Variants in ADGRL3 observed in about 807,000 individuals in gnomAD.
ADGRL3 encodes adhesion G protein-coupled receptor L3.
In ADGRL3, 62 loss-of-function variants were observed where a neutral mutation model predicts 153.5. The observed-to-expected ratio is 0.40, with a 90% CI of 0.33 to 0.50. The LOEUF (loss-of-function observed/expected upper bound fraction) is 0.50, where lower values mean the gene tolerates loss of function less well. ADGRL3 is among the 20% of genes least tolerant of loss of function. The pLI is 0.47. For missense variants in ADGRL3, 1,641 were observed against 1,859.4 expected (o/e 0.88, Z 2.16); for synonymous variants, 710 against 672.5 (o/e 1.06, Z -0.86).
intron 4 of ADGRL3, among the ~76,000 whole-genome samples, chr4:61,526,878 A>G (rs1470883043): frequency 1.3e-5 from 2 of 152,200 alleles, no homozygotes; most frequent in Non-Finnish European, 2.9e-5. Flanking sequence ...CAGTAAGTAG[A>G]TGAATATAAA....
chr4:61,438,096 A>T (rs965921308), intron 2 of ADGRL3, among the ~76,000 whole-genome samples: 15 of 152,088 alleles, frequency 9.9e-5, no homozygotes, highest in African/African-American at 3.6e-4. Flanking sequence ...TTCTTCTTGG[A>T]ATTTCTGATA....
rs200223365 is a variant in ADGRL3, at chr4:61,607,523, C to A, written c.473+20083C>A. 3.3e-5 allele frequency among the ~76,000 whole-genome samples: 5 copies of A among 152,086 alleles called. No individual in the cohort carries two copies. In the East Asian group the frequency reaches 9.7e-4, roughly 29 times the overall value. ...GCTGAAGCAGAAGAATCACTTGAAC[C>A]CAGGAGGCGGAGGTTGCAGTGAGCC... On this transcript the variant is annotated intron_variant, in intron 5 of 26. Coordinates refer to ENST00000683033, the MANE Select transcript of ADGRL3 (RefSeq NM_001387552.1).
intron 19 of ADGRL3, among the ~76,000 whole-genome samples, chr4:61,986,127 A>T (rs543433843): frequency 6.6e-6 from 1 of 152,106 alleles, no homozygotes; most frequent in South Asian, 2.1e-4. Context: ...GAATATTTTC[A>T]TCGAAACAAA....
At chr4:61,749,901 A>G (rs1024625724) in intron 8 of ADGRL3, among the ~76,000 whole-genome samples, 13 of 152,094 alleles carry the variant, frequency 8.5e-5, no homozygotes, top group African/African-American at 3.1e-4. Context: ...AGAAAAAGAC[A>G]AAAATGAAAA....
At chr4:61,370,907 G>T (rs1439304649) in intron 1 of ADGRL3, among the ~76,000 whole-genome samples, 2 of 150,590 alleles carry the variant, frequency 1.3e-5, no homozygotes, top group Non-Finnish European at 1.5e-5. Context: ...TATGAATCTG[G>T]GTGCTCCTGT....
At chr4:61,421,207 G>T (rs1334776108) in intron 2 of ADGRL3, among the ~76,000 whole-genome samples, 1 of 152,156 alleles carries the variant, frequency 6.6e-6, no homozygotes, top group Non-Finnish European at 1.5e-5. Context: ...GGTGGCGGAC[G>T]CCTGTAGTCC....
chr4:61,202,698 G>A lies in ADGRL3; in HGVS notation c.-240+933G>A, dbSNP rs1306894571. 1.3e-5 allele frequency among the ~76,000 whole-genome samples: 2 copies of A among 152,158 alleles called. No individual in the cohort carries two copies. Among genetic ancestry groups the A allele is most frequent in the African/African-American group, 4.8e-5 (2 of 41,464 alleles). The stretch of plus-strand genomic sequence containing the variant: ...GCCGCGACCCAGCCTCCGGTCCCAC[G>A]TCGGAGCTCAGAAGCTTAGGGTGCC... On this transcript the variant is annotated intron_variant, in intron 1 of 26. Transcript: ENST00000683033. This position sits in a 1 kb window ranked among gnomAD's most constrained non-coding sequence, Gnocchi z 5.0.
At chr4:61,225,573 A>G (rs1354757922) in intron 1 of ADGRL3, among the ~76,000 whole-genome samples, 1 of 152,184 alleles carries the variant, frequency 6.6e-6, no homozygotes, top group African/African-American at 2.4e-5. Flanking sequence ...AATCAGTCCC[A>G]ATACCATAGT....
At chr4:61,297,572 T>G (rs913455708) in intron 1 of ADGRL3, among the ~76,000 whole-genome samples, 1 of 152,112 alleles carries the variant, frequency 6.6e-6, no homozygotes, top group African/African-American at 2.4e-5. Context: ...ACATTTTTTT[T>G]CCTTGTTTTT....
chr4:61,891,071 CTTTAT>C (rs1327418091), intron 9 of ADGRL3, among the ~76,000 whole-genome samples: 3 of 152,024 alleles, frequency 2.0e-5, no homozygotes, highest in African/African-American at 4.8e-5. Flanking sequence ...TCAGTGTCAA[CTTTAT>C]TTTATGAATC....
At chr4:61,476,475 G>A (rs1173499135) in intron 2 of ADGRL3, among the ~76,000 whole-genome samples, 1 of 151,998 alleles carries the variant, frequency 6.6e-6, no homozygotes, top group Non-Finnish European at 1.5e-5. Context: ...GGAGGCCAAG[G>A]TGGGTGGATC....
In ADGRL3 at chr4:61,813,921, C is replaced by G. The variant is rs766921749; in HGVS notation, c.1480+32C>G. 3.4e-5 allele frequency: 54 copies of G among 1,609,460 alleles called. No homozygotes were observed. In the Admixed American group the frequency reaches 8.9e-4, roughly 27 times the overall value. On this transcript the variant is annotated intron_variant, in intron 9 of 26. Transcript: ENST00000683033. ...TTTTCTTTATATGAAGAAAAAGTAA[C>G]TCTGCTCATTCTTTGATGAAAGCAA...
At chr4:61,996,418 A>G (rs1000928492) in intron 20 of ADGRL3, 61 bp downstream of exon 20, 3 of 1,126,612 alleles carry the variant, frequency 2.7e-6, no homozygotes, top group Non-Finnish European at 4.0e-6. Flanking sequence ...TCACTATCCC[A>G]GTACTGACTG....
intron 8 of ADGRL3, among the ~76,000 whole-genome samples, chr4:61,765,410 A>G (rs866713188): frequency 1.5e-4 from 22 of 147,732 alleles, no homozygotes; most frequent in African/African-American, 5.4e-4. Context: ...GGAAAGTGGT[A>G]AAAGTATTGT....
At chr4:61,286,612 G>A (rs537687151) in intron 1 of ADGRL3, among the ~76,000 whole-genome samples, 3 of 151,716 alleles carry the variant, frequency 2.0e-5, no homozygotes, top group East Asian at 3.9e-4. Context: ...CAGTAATTGG[G>A]AGATTGTGCA....
intron 8 of ADGRL3, among the ~76,000 whole-genome samples, chr4:61,757,355 G>A (rs1314203285): frequency 6.6e-6 from 1 of 152,152 alleles, no homozygotes; most frequent in East Asian, 1.9e-4. Context: ...TTGGGAGGGT[G>A]TATGTGTTGA....
At chr4:61,663,483 G>A (rs2094677741) in intron 5 of ADGRL3, among the ~76,000 whole-genome samples, 1 of 152,224 alleles carries the variant, frequency 6.6e-6, no homozygotes, top group Non-Finnish European at 1.5e-5. Flanking sequence ...CTGGTGGTGT[G>A]CAGCGGATGG....
At chr4:61,482,547 GAA>G (rs2098142243) in intron 2 of ADGRL3, among the ~76,000 whole-genome samples, 1 of 152,172 alleles carries the variant, frequency 6.6e-6, no homozygotes, top group East Asian at 1.9e-4. Flanking sequence ...ACTCTTCCGA[GAA>G]AAGACTGAAC....
intron 9 of ADGRL3, among the ~76,000 whole-genome samples, chr4:61,889,084 G>C (rs1244756657): frequency 6.6e-6 from 1 of 152,182 alleles, no homozygotes; most frequent in Non-Finnish European, 1.5e-5. Flanking sequence ...TCTTGACCTA[G>C]TCCTGATGTT....
Sources: gnomAD v4.1 joint callset for allele counts (sites outside exome capture counted in the v4.1 genomes callset) on GRCh38, gnomAD v4.1.1 for gene constraint, Gnocchi (gnomAD v3.1) non-coding constraint, MANE v1.5 for transcripts, NCBI Gene and HGNC (gene_info 2026-07-23, HGNC 2026-07-21) for gene names.